Variants in ACTB observed in about 807,000 individuals in gnomAD.
ACTB encodes actin, cytoplasmic 1.
ACTB carries 2 observed loss-of-function variants against 30.5 expected under a neutral mutation model. That is an observed-to-expected ratio of 0.07 (90% CI 0.03 to 0.21). The LOEUF is 0.21. ACTB is among the 10% of genes least tolerant of loss of function. The pLI is 1.00. For missense variants in ACTB, 56 were observed against 530.0 expected (o/e 0.11, Z 8.78); for synonymous variants, 335 against 217.6 (o/e 1.54, Z -4.75).
In ACTB at chr7:5,529,622, G is replaced by A. The variant is rs764325153; in HGVS notation, c.36C>T (p.Asn12=). 37 of 1,611,334 alleles carry A rather than the reference G, an allele frequency of 2.3e-5. No individual in the cohort carries two copies. The highest frequency in any genetic ancestry group is 6.7e-5 in the African/African-American group (5 of 74,880). Residue 12 remains asparagine, a synonymous_variant, in exon 2 of 6, where the codon AAC becomes AAT. Transcript: ENST00000646664. Reference sequence around the variant, plus strand: ...AGCCGGCCTTGCACATGCCGGAGCCGTTGTCGACGACGAGCGCGGCGATAT... The same window carrying A: ...AGCCGGCCTTGCACATGCCGGAGCCATTGTCGACGACGAGCGCGGCGATAT... ...DDDIAALVVD[N]GSGMCKAGFA...
chr7:5,528,666 C>A lies in ACTB; in HGVS notation c.417G>T (p.Val139=). 2.5e-6 allele frequency: 4 copies of A among 1,613,970 alleles called. No homozygotes were observed. Among genetic ancestry groups the A allele is most frequent in the Admixed American group, 1.7e-5 (1 of 60,018 alleles). Residue 139 remains valine, a synonymous_variant, in exon 4 of 6, where the codon GTG becomes GTT. Coordinates refer to ENST00000646664, the MANE Select transcript of ACTB (RefSeq NM_001101.5). The part of the protein sequence containing the change: ...TPAMYVAIQA[V]LSLYASGRTT... Reference sequence around the variant, plus strand: ...TACGGCCAGAGGCGTACAGGGATAGCACAGCCTGGATAGCAACGTACATGG... The same window carrying A: ...TACGGCCAGAGGCGTACAGGGATAGAACAGCCTGGATAGCAACGTACATGG...
rs750565033 is a variant in ACTB at position 5,529,326 on chromosome 7, G to C, written c.198C>G (p.Thr66=). ...TGCCGTGCTCGATGGGGTACTTCAG[G>C]GTGAGGATGCCTCTCTTGCTCTGGG... ...DEAQSKRGIL[T]LKYPIEHGIV... The change falls in exon 3 of 6, where the codon ACC becomes ACG. Residue 66 remains threonine, a synonymous_variant. Transcript: ENST00000646664. 1.9e-6 allele frequency: 3 copies of C among 1,614,046 alleles called. No homozygotes were observed. The highest frequency in any genetic ancestry group is 4.5e-5 in the East Asian group (2 of 44,878).
At position 5,527,787 on chromosome 7, in the gene ACTB, G is replaced by A. The variant is rs370848417; in HGVS notation, c.1089C>T (p.Asp363=). The A allele has an allele frequency of 1.2e-4, 191 of 1,613,902 alleles. No homozygotes were observed. Among genetic ancestry groups the A allele is most frequent in the Middle Eastern group, 1.7e-4 (1 of 6,008 alleles). ...GGTGGACGATGGAGGGGCCGGACTC[G>A]TCATACTCCTGCTTGCTGATCCACA... is the stretch of plus-strand genomic sequence containing the variant. ...QQMWISKQEY[D]ESGPSIVHRK... The change falls in exon 6 of 6, where the codon GAC becomes GAT. Residue 363 remains aspartate, a synonymous_variant. Coordinates refer to ENST00000646664, the MANE Select transcript of ACTB (RefSeq NM_001101.5).
At chr7:5,528,948 ACTGT>A in intron 3 of ACTB, 1 of 1,531,372 alleles carries the variant, frequency 6.5e-7, no homozygotes, top group Non-Finnish European at 8.8e-7. Context: ...CACCCACAAC[ACTGT>A]CTTAGACACC....
rs1192919725 is a variant in ACTB at position 5,528,700 on chromosome 7, T to C, written c.383A>G (p.Asn128Ser). The change falls in exon 4 of 6, where the codon AAC (asparagine) becomes AGC (serine). Residue 128 changes from asparagine (N) to serine (S), a missense_variant. Physicochemically the swap from Asn to Ser is conservative, Grantham distance 46. This residue lies in a region of ACTB where 32 missense variants were observed against 288.4 expected (regional missense o/e 0.11). Coordinates refer to ENST00000646664, the MANE Select transcript of ACTB (RefSeq NM_001101.5). ...GATAGCAACGTACATGGCTGGGGTG[T>C]TGAAGGTCTCAAACATGATCTGTAA... is the stretch of plus-strand genomic sequence containing the variant. ...KMTQIMFETFNTPAMYVAIQA... is the reference protein window; with the variant it reads ...KMTQIMFETFSTPAMYVAIQA... 1 of 1,613,714 alleles carries C rather than the reference T, an allele frequency of 6.2e-7. No homozygotes were observed. Among genetic ancestry groups the C allele is most frequent in the Non-Finnish European group, 8.5e-7 (1 of 1,180,008 alleles).
chr7:5,530,315 CGAGCGCGGCCTCGCGCCTCCG>C (rs1562720774), intron 1 of ACTB, among the ~76,000 whole-genome samples, 188 bp downstream of exon 1: 1 of 152,036 alleles, frequency 6.6e-6, no homozygotes, highest in Non-Finnish European at 1.5e-5. Flanking sequence ...GCGCGCCTCC[CGAGCGCGGCCTCGCGCCTCCG>C]AACTGGCGTG....
chr7:5,529,785 C>T, intron 1 of ACTB, 122 bp from the exon 2 acceptor site: 1 of 1,482,226 alleles, frequency 6.7e-7, no homozygotes, highest in Non-Finnish European at 9.3e-7. Flanking sequence ...ACAAAGGAAG[C>T]CGGGCCGGCC....
At chr7:5,529,499 G>C (rs745396047) in intron 2 of ACTB, 36 bp downstream of exon 2, 4 of 1,611,854 alleles carry the variant, frequency 2.5e-6, no homozygotes, top group South Asian at 1.1e-5. Flanking sequence ...CCTCCCGCCC[G>C]CTCCCGGGGC....
chr7:5,528,660 G>T lies in ACTB; in HGVS notation c.423C>A (p.Ser141=). Residue 141 remains serine, a synonymous_variant, in exon 4 of 6, where the codon TCC becomes TCA. Coordinates refer to ENST00000646664, the MANE Select transcript of ACTB (RefSeq NM_001101.5). ...CAGTGGTACGGCCAGAGGCGTACAG[G>T]GATAGCACAGCCTGGATAGCAACGT... The part of the protein sequence containing the change: ...AMYVAIQAVL[S]LYASGRTTGI... 1 of 1,614,028 alleles carries T rather than the reference G, an allele frequency of 6.2e-7. No individual in the cohort carries two copies. Among genetic ancestry groups the T allele is most frequent in the Non-Finnish European group, 8.5e-7 (1 of 1,180,038 alleles).
In ACTB at chr7:5,527,456, G is replaced by A. The variant is rs1053587255; in HGVS notation, c.*292C>T. 21 of 503,024 alleles carry A rather than the reference G, an allele frequency of 4.2e-5. No homozygotes were observed. Among genetic ancestry groups the A allele is most frequent in the Non-Finnish European group, 7.1e-5 (20 of 282,404 alleles). 31.2% of individuals were successfully genotyped at this position (503,024 alleles called of 1,614,324 possible). A position where few individuals can be genotyped will look rare whatever the true frequency, so the allele number is the denominator to read the frequency against. ...TAGAGAGAAGTGGGGTGGCTTTTAG[G>A]ATGGCAAGGGACTTCCTGTAACAAC... On this transcript the variant is annotated 3_prime_UTR_variant, in exon 6 of 6. Coordinates refer to ENST00000646664, the MANE Select transcript of ACTB (RefSeq NM_001101.5).
At chr7:5,529,788 G>A (rs749159131) in intron 1 of ACTB, 125 bp from the exon 2 acceptor site, 15 of 1,476,204 alleles carry the variant, frequency 1.0e-5, no homozygotes, top group Non-Finnish European at 1.3e-5. Context: ...AAGGAAGCCG[G>A]GCCGGCCGCG....
chr7:5,528,936 T>C (rs1784822482), intron 3 of ACTB: 4 of 1,512,384 alleles, frequency 2.6e-6, no homozygotes, highest in Non-Finnish European at 3.6e-6. Flanking sequence ...TGTTAGTACC[T>C]ACACCCACAA....
Position 5,529,675 on chromosome 7 carries a change from G to A in ACTB, c.-6-12C>T, listed in dbSNP as rs1286546074. 1.2e-6 allele frequency: 2 copies of A among 1,611,010 alleles called. No individual in the cohort carries two copies. The highest frequency in any genetic ancestry group is 1.7e-5 in the Admixed American group (1 of 59,998). On this transcript the variant is annotated splice_polypyrimidine_tract_variant and intron_variant, in intron 1 of 5. Transcript: ENST00000646664. ...TCATCCATGGTGAGCTGCGAGAATA[G>A]CCGGGCGCGCTGTGAGCCGAGGTCG...
rs1784833012 is a variant in ACTB at position 5,529,374 on chromosome 7, C to T, written c.150G>A (p.Lys50=). Reference sequence around the variant, plus strand: ...GGGCCTCGTCGCCCACATAGGAATCCTTCTGACCCATGCCCACCATCACGC... The same window carrying T: ...GGGCCTCGTCGCCCACATAGGAATCTTTCTGACCCATGCCCACCATCACGC... The part of the protein sequence containing the change: ...HQGVMVGMGQ[K]DSYVGDEAQS... Residue 50 remains lysine (K), a synonymous_variant, in exon 3 of 6, where the codon AAG becomes AAA. Coordinates refer to ENST00000646664, the MANE Select transcript of ACTB (RefSeq NM_001101.5). 1 of 1,613,966 alleles carries T rather than the reference C, an allele frequency of 6.2e-7. No homozygotes were observed. Among genetic ancestry groups the T allele is most frequent in the Admixed American group, 1.7e-5 (1 of 60,010 alleles).
At position 5,529,413 on chromosome 7, in the gene ACTB, G is replaced by C. The variant is rs755158952; in HGVS notation, c.124-13C>G. On this transcript the variant is annotated splice_polypyrimidine_tract_variant and intron_variant, in intron 2 of 5. Transcript: ENST00000646664. ...CCACCATCACGCCCTGGGAAGGAAA[G>C]GACAAGAAGCCCTGAGCACGGGCGC... The C allele has an allele frequency of 1.9e-6, 3 of 1,613,814 alleles. No homozygotes were observed. The highest frequency in any genetic ancestry group is 2.5e-6 in the Non-Finnish European group (3 of 1,180,018).
intron 4 of ACTB, 34 bp from the exon 5 acceptor site, chr7:5,528,219 A>C: frequency 5.6e-6 from 9 of 1,613,882 alleles, no homozygotes; most frequent in Non-Finnish European, 7.6e-6. Context: ...CTTAGCTTCC[A>C]CAGCACAGCC....
At position 5,527,214 on chromosome 7, in the gene ACTB, C is replaced by T. The variant is rs1784782040; in HGVS notation, c.*534G>A. On this transcript the variant is annotated 3_prime_UTR_variant, in exon 6 of 6. Coordinates refer to ENST00000646664, the MANE Select transcript of ACTB (RefSeq NM_001101.5). ...CAGTGTACAGGTAAGCCCTGGCTGC[C>T]TCCACCCACTCCCAGGGAGACCAAA... The T allele has an allele frequency of 4.7e-6, 1 of 214,108 alleles. No individual in the cohort carries two copies. 13.3% of individuals were successfully genotyped at this position (214,108 alleles called of 1,614,324 possible). A position where few individuals can be genotyped will look rare whatever the true frequency, so the allele number is the denominator to read the frequency against.
chr7:5,530,038 G>GC (rs1784855087), intron 1 of ACTB: 2 of 156,192 alleles, frequency 1.3e-5, no homozygotes, highest in South Asian at 4.0e-4. Context: ...GCCCGCCTTC[G>GC]CCCCAGCCCA....
At chr7:5,528,762 G>T in intron 3 of ACTB, 43 bp from the exon 4 acceptor site, 1 of 1,604,642 alleles carries the variant, frequency 6.2e-7, no homozygotes, top group Non-Finnish European at 8.5e-7. Context: ...GGAAGCCACT[G>T]GGGACAGCCA....
Sources: allele counts gnomAD v4.1 joint callset (sites outside exome capture counted in the v4.1 genomes callset), GRCh38; gene constraint gnomAD v4.1.1; regional missense constraint gnomAD v4.1.1; transcripts MANE v1.5; gene names NCBI Gene and HGNC (gene_info 2026-07-23, HGNC 2026-07-21).